The following MSRA variants were observed in gnomAD, a reference collection of about 807,000 sequenced individuals.
MSRA encodes the protein methionine sulfoxide reductase A.
MSRA carries 54 observed loss-of-function variants against 31.3 expected under a neutral mutation model. That is an observed-to-expected ratio of 1.73 (90% confidence interval 1.39 to 2.17). The LOEUF is 2.17. MSRA is among the 30% of genes most tolerant of loss of function. The pLI is 0.00. For synonymous variants in MSRA, 169 were observed against 116.5 expected (o/e 1.45, Z -2.90); for missense variants, 507 against 300.9 (o/e 1.69, Z -5.07).
chr8:10,150,110 G>A (rs563902697), intron 1 of MSRA, among the ~76,000 whole-genome samples: 6 of 151,896 alleles, frequency 4.0e-5, no homozygotes, highest in African/African-American at 1.5e-4. Context: ...CAGGAATGCC[G>A]AGAGCTGACT....
chr8:10,143,426 C>T (rs1000758097), intron 1 of MSRA, among the ~76,000 whole-genome samples: 6 of 152,262 alleles, frequency 3.9e-5, no homozygotes, highest in South Asian at 2.1e-4. Flanking sequence ...ATTTCAGCCC[C>T]GTTACTATGG....
chr8:10,419,196 C>G (rs1170539198), intron 5 of MSRA, among the ~76,000 whole-genome samples: 1 of 152,162 alleles, frequency 6.6e-6, no homozygotes, highest in East Asian at 1.9e-4. Flanking sequence ...TGTATCATCC[C>G]TTGCACCTCT....
intron 3 of MSRA, among the ~76,000 whole-genome samples, chr8:10,258,379 G>A (rs1164916580): frequency 6.6e-6 from 1 of 152,202 alleles, no homozygotes; most frequent in Non-Finnish European, 1.5e-5. Flanking sequence ...TGGCTAATTG[G>A]AAAGCAGGAC....
chr8:10,334,387 G>T (rs1020697633), intron 5 of MSRA, among the ~76,000 whole-genome samples: 2 of 152,050 alleles, frequency 1.3e-5, no homozygotes, highest in African/African-American at 4.8e-5. Flanking sequence ...CCCTGGTTCA[G>T]CCTCTATAAA....
At chr8:10,063,696 A>G (rs1371693987) in intron 1 of MSRA, among the ~76,000 whole-genome samples, 1 of 152,174 alleles carries the variant, frequency 6.6e-6, no homozygotes, top group Admixed American at 6.5e-5. Flanking sequence ...ATGTGAGGAC[A>G]TGGTGAGAAG....
chr8:10,196,605 A>G (rs60032918), intron 1 of MSRA, among the ~76,000 whole-genome samples: 68,717 of 151,986 alleles, frequency 0.45, 15,596 homozygotes, highest in South Asian at 0.6. Context: ...GCTGGAGTGC[A>G]GTGGTGCAAT....
At position 10,298,519 on chromosome 8, in the gene MSRA, G is replaced by C. The variant is rs554911378; in HGVS notation, c.332-3015G>C. Among the ~76,000 whole-genome samples the C allele has an allele frequency of 3.9e-5, 6 of 152,244 alleles. No individual in the cohort carries two copies. The South Asian group carries it at 8.3e-4, about 21-fold the overall frequency. Reference sequence around the variant, plus strand: ...AATGGGTACGGAATATCAGTTTTGCGAGATGAAAAGAGTTCTGGAGCCGGA... The same window carrying C: ...AATGGGTACGGAATATCAGTTTTGCCAGATGAAAAGAGTTCTGGAGCCGGA... On this transcript the variant is annotated intron_variant, in intron 3 of 5. Coordinates refer to ENST00000317173, the MANE Select transcript of MSRA (RefSeq NM_012331.5).
chr8:10,251,695 C>G (rs1241837101), intron 3 of MSRA, among the ~76,000 whole-genome samples: 1 of 152,158 alleles, frequency 6.6e-6, no homozygotes, highest in Non-Finnish European at 1.5e-5. Context: ...ACACCCACAT[C>G]CAAGCAGCTA....
chr8:10,323,163 G>A (rs2092402506), intron 5 of MSRA, among the ~76,000 whole-genome samples: 1 of 151,832 alleles, frequency 6.6e-6, no homozygotes. Flanking sequence ...TGAGCGGTGG[G>A]AGGGGAACTG....
chr8:10,194,835 C>A lies in MSRA; in HGVS notation c.143-12998C>A, dbSNP rs1309661668. Among the ~76,000 whole-genome samples, 5 of 152,210 alleles carry A rather than the reference C, an allele frequency of 3.3e-5. No homozygotes were observed. The East Asian group carries it at 9.6e-4, about 29-fold the overall frequency. ...CTACATCCCAGCCTGGCCCTCAGCC[C>A]TGGGAAGAGACTCCTGGGCTTCCAG... On this transcript the variant is annotated intron_variant, in intron 1 of 5. Coordinates refer to ENST00000317173, the MANE Select transcript of MSRA (RefSeq NM_012331.5).
At position 10,094,021 on chromosome 8, in the gene MSRA, A is replaced by G. The variant is rs1044817139; in HGVS notation, c.142+39363A>G. 3.9e-4 allele frequency among the ~76,000 whole-genome samples: 60 copies of G among 152,314 alleles called. 2 individuals are homozygous for G. In the Middle Eastern group the frequency reaches 0.014, roughly 35 times the overall value. Reference sequence around the variant, plus strand: ...TTGCACGTGATGAGTCGCTTCTCCAATGCTGCTTTCAAGATTCTCTTTAGT... The same window carrying G: ...TTGCACGTGATGAGTCGCTTCTCCAGTGCTGCTTTCAAGATTCTCTTTAGT... On this transcript the variant is annotated intron_variant, in intron 1 of 5. Transcript: ENST00000317173.
chr8:10,065,876 T>C (rs781515858), intron 1 of MSRA, among the ~76,000 whole-genome samples: 1 of 152,050 alleles, frequency 6.6e-6, no homozygotes, highest in Non-Finnish European at 1.5e-5. Flanking sequence ...CCAGTGGCGC[T>C]AAGAGTCAAC....
At chr8:10,395,929 T>A (rs1318204848) in intron 5 of MSRA, among the ~76,000 whole-genome samples, 2 of 152,234 alleles carry the variant, frequency 1.3e-5, no homozygotes, top group African/African-American at 4.8e-5. Flanking sequence ...GGTTCCAGTT[T>A]CTACCAATCT....
At chr8:10,236,694 G>T (rs1377274891) in intron 2 of MSRA, among the ~76,000 whole-genome samples, 1 of 152,054 alleles carries the variant, frequency 6.6e-6, no homozygotes, top group Admixed American at 6.5e-5. Context: ...ACAGGTGCAC[G>T]CCACCACACC....
chr8:10,322,557 A>C (rs771992098), intron 5 of MSRA, among the ~76,000 whole-genome samples: 43 of 152,166 alleles, frequency 2.8e-4, no homozygotes, highest in Non-Finnish European at 1.9e-4. Flanking sequence ...GAAAGTGCAG[A>C]GTCTAAGGTG....
intron 2 of MSRA, among the ~76,000 whole-genome samples, chr8:10,240,342 G>T (rs1396703193): frequency 6.6e-6 from 1 of 152,168 alleles, no homozygotes; most frequent in African/African-American, 2.4e-5. Context: ...TGTGCATGCT[G>T]TTGGGCCATG....
At chr8:10,253,302 C>T (rs768085732) in intron 3 of MSRA, among the ~76,000 whole-genome samples, 4 of 152,188 alleles carry the variant, frequency 2.6e-5, no homozygotes, top group East Asian at 3.9e-4. Flanking sequence ...GCATGTGCTA[C>T]GTGTTCTTCA....
intron 1 of MSRA, among the ~76,000 whole-genome samples, chr8:10,061,549 C>A (rs1181256271): frequency 6.6e-6 from 1 of 152,114 alleles, no homozygotes; most frequent in African/African-American, 2.4e-5. Flanking sequence ...TCTCATCTCC[C>A]CACGTAGTGA....
chr8:10,144,213 C>G (rs556265873), intron 1 of MSRA, among the ~76,000 whole-genome samples: 2 of 152,136 alleles, frequency 1.3e-5, no homozygotes, highest in African/African-American at 2.4e-5. Context: ...TATCGCTAGT[C>G]GTAGTGTGTC....
Sources: gnomAD v4.1 joint callset for allele counts (sites outside exome capture counted in the v4.1 genomes callset) on GRCh38, gnomAD v4.1.1 for gene constraint, MANE v1.5 for transcripts, NCBI Gene and HGNC (gene_info 2026-07-23, HGNC 2026-07-21) for gene names.